The following PDGFRA variants were observed in gnomAD, a reference collection of about 807,000 sequenced individuals.
The protein encoded by PDGFRA is platelet-derived growth factor receptor alpha.
In PDGFRA, 25 loss-of-function variants were observed where a neutral mutation model predicts 121.5. The ratio of observed to expected loss-of-function variants is 0.21; its 90% CI spans 0.15 to 0.29. PDGFRA has a LOEUF of 0.29. PDGFRA is among the 10% of genes least tolerant of loss of function. The pLI, the probability that PDGFRA is intolerant of heterozygous loss-of-function variation, is 1.00. For missense variants in PDGFRA, 1,008 were observed against 1,345.1 expected, an observed-to-expected ratio of 0.75 and a Z score of 3.92; for synonymous variants, 463 against 494.8, an observed-to-expected ratio of 0.94 and a Z score of 0.85.
rs1305937212 is a variant in PDGFRA at position 54,250,061 on chromosome 4, C to T, written c.-12-8696C>T. 5.9e-5 allele frequency among the ~76,000 whole-genome samples: 9 copies of T among 152,090 alleles called. No individual in the cohort carries two copies. The East Asian group carries it at 1.7e-3, about 29-fold the overall frequency. On this transcript the variant is annotated intron_variant, in intron 1 of 22. Transcript: ENST00000257290. The stretch of plus-strand genomic sequence containing the variant: ...ATGCAAACGTGAAATGTGGCTTTCT[C>T]TCTTGAATAAGATTTTCATGTATTA...
chr4:54,253,302 T>G (rs1300229106), intron 1 of PDGFRA, among the ~76,000 whole-genome samples: 5 of 152,254 alleles, frequency 3.3e-5, no homozygotes, highest in Admixed American at 1.3e-4. Flanking sequence ...GTCCTTACGA[T>G]AATGTCACAG....
intron 1 of PDGFRA, among the ~76,000 whole-genome samples, chr4:54,244,359 C>A (rs1195295732): frequency 6.6e-6 from 1 of 152,210 alleles, no homozygotes; most frequent in Non-Finnish European, 1.5e-5. Context: ...GGGTACTCCT[C>A]TGAGACAAAA....
Position 54,264,934 on chromosome 4 carries a change from A to T in PDGFRA, c.644A>T (p.Asp215Val), listed in dbSNP as rs761102425. The T allele has an allele frequency of 3.1e-6, 5 of 1,612,516 alleles. No individual in the cohort carries two copies. Among genetic ancestry groups the T allele is most frequent in the Non-Finnish European group, 4.2e-6 (5 of 1,179,052 alleles). ...TTTTTTATAGCAACATCAGAGCTGG[A>T]TCTAGAAATGGAAGCTCTTAAAACC... ...VYALKATSEL[D>V]LEMEALKTVY... is the part of the protein sequence containing the mutation. The change falls in exon 5 of 23, where the codon GAT becomes GTT. Residue 215 changes from aspartate to valine, a missense_variant. By Grantham distance (152) the Asp-to-Val change is radical. This residue lies in a region of PDGFRA where 575 missense variants were observed against 701.8 expected (regional missense o/e 0.82). Coordinates refer to ENST00000257290, the MANE Select transcript of PDGFRA (RefSeq NM_006206.6).
intron 8 of PDGFRA, among the ~76,000 whole-genome samples, chr4:54,272,083 G>A (rs1460140506): frequency 6.9e-6 from 1 of 145,868 alleles, no homozygotes; most frequent in Non-Finnish European, 1.5e-5. Flanking sequence ...GGGCTCAAGT[G>A]TTTCTCTTCC....
intron 12 of PDGFRA, 46 bp from the exon 13 acceptor site, chr4:54,277,342 G>C (rs892271344): frequency 7.7e-7 from 1 of 1,296,246 alleles, no homozygotes; most frequent in Non-Finnish European, 1.1e-6. Flanking sequence ...GAAAGCTGAG[G>C]AGGCGTCTGG....
chr4:54,258,676 T>G, intron 1 of PDGFRA, 81 bp from the exon 2 acceptor site: 1 of 872,268 alleles, frequency 1.1e-6, no homozygotes, highest in Admixed American at 1.7e-5. Flanking sequence ...TATTTTCTGT[T>G]GTGCAAAACA....
intron 16 of PDGFRA, 139 bp from the exon 17 acceptor site, chr4:54,285,232 T>C: frequency 1.5e-6 from 1 of 670,822 alleles, no homozygotes; most frequent in Non-Finnish European, 2.7e-6. Flanking sequence ...CTTTGCATAG[T>C]GATATTCATC....
At chr4:54,257,112 G>A (rs1212873661) in intron 1 of PDGFRA, among the ~76,000 whole-genome samples, 1 of 152,208 alleles carries the variant, frequency 6.6e-6, no homozygotes, top group Non-Finnish European at 1.5e-5. Context: ...GGTGATGAAA[G>A]TGACCTCTGG....
At chr4:54,238,558 A>G (rs1241715395) in intron 1 of PDGFRA, among the ~76,000 whole-genome samples, 1 of 152,226 alleles carries the variant, frequency 6.6e-6, no homozygotes, top group Admixed American at 6.5e-5. Flanking sequence ...CTAGGTAAGA[A>G]GAGGATGAGA....
chr4:54,269,557 A>T (rs552954253), intron 7 of PDGFRA, among the ~76,000 whole-genome samples: 3 of 152,012 alleles, frequency 2.0e-5, no homozygotes, highest in Admixed American at 6.6e-5. Flanking sequence ...TTTATAATCC[A>T]TGTAAAATAT....
rs374486965 is a variant in PDGFRA, at chr4:54,263,818, C to T, written c.519C>T (p.Asp173=). 1.2e-6 allele frequency: 2 copies of T among 1,613,906 alleles called. No homozygotes were observed. Among genetic ancestry groups the T allele is most frequent in the African/African-American group, 2.7e-5 (2 of 74,902 alleles). ...AGGGGGTGGTACCTGCCTCCTACGA[C>T]AGCAGACAGGGCTTTAATGGGACCT... The part of the protein sequence containing the change: ...NSEGVVPASY[D]SRQGFNGTFT... The change falls in exon 4 of 23, where the codon GAC becomes GAT. Residue 173 remains aspartate (D), a synonymous_variant. Transcript: ENST00000257290.
intron 1 of PDGFRA, among the ~76,000 whole-genome samples, chr4:54,250,752 A>G (rs1722012313): frequency 6.6e-6 from 1 of 152,172 alleles, no homozygotes; most frequent in African/African-American, 2.4e-5. Context: ...CTAAAATGCA[A>G]GCCTCTGATA....
chr4:54,239,861 T>A (rs1478460077), intron 1 of PDGFRA, among the ~76,000 whole-genome samples: 1 of 152,244 alleles, frequency 6.6e-6, no homozygotes, highest in African/African-American at 2.4e-5. Context: ...TTTATTTATT[T>A]ATTTTTAGAG....
intron 1 of PDGFRA, among the ~76,000 whole-genome samples, chr4:54,256,408 T>G (rs970910757): frequency 7.2e-5 from 11 of 151,744 alleles, no homozygotes; most frequent in African/African-American, 2.7e-4. Context: ...GCTAATTTTT[T>G]TGTGTTTTTA....
At chr4:54,236,045 CG>C (rs1720989439) in intron 1 of PDGFRA, among the ~76,000 whole-genome samples, 1 of 152,086 alleles carries the variant, frequency 6.6e-6, no homozygotes, top group South Asian at 2.1e-4. Context: ...GTCAACAGGG[CG>C]GGGGGTCTCT....
chr4:54,233,371 T>G (rs1720810348), intron 1 of PDGFRA, among the ~76,000 whole-genome samples: 1 of 152,176 alleles, frequency 6.6e-6, no homozygotes, highest in African/African-American at 2.4e-5. Context: ...GGGCGAAGTC[T>G]GCGCGCAGCA....
chr4:54,259,381 A>G (rs1401189819), intron 2 of PDGFRA, among the ~76,000 whole-genome samples: 3 of 152,234 alleles, frequency 2.0e-5, no homozygotes, highest in Non-Finnish European at 4.4e-5. Flanking sequence ...GTCTTAAATC[A>G]TAACTCTCTT....
chr4:54,283,789 G>C, intron 16 of PDGFRA, among the ~76,000 whole-genome samples: 1 of 152,026 alleles, frequency 6.6e-6, no homozygotes, highest in Non-Finnish European at 1.5e-5. Context: ...ATTTTAAAGA[G>C]ATGGGGTCTC....
intron 1 of PDGFRA, among the ~76,000 whole-genome samples, chr4:54,231,661 C>T (rs1188304593): frequency 6.6e-6 from 1 of 152,242 alleles, no homozygotes; most frequent in Non-Finnish European, 1.5e-5. Context: ...GGCGCAAGGC[C>T]GACCAGGCTC....
Sources: gnomAD v4.1 joint callset for allele counts (sites outside exome capture counted in the v4.1 genomes callset) on GRCh38, gnomAD v4.1.1 for gene constraint, gnomAD v4.1.1 regional missense constraint, MANE v1.5 for transcripts, NCBI Gene and HGNC (gene_info 2026-07-23, HGNC 2026-07-21) for gene names.